STON2: variants seen among roughly 807,000 people sequenced by gnomAD.
The protein encoded by STON2 is stonin 2, also known as stonin-2.
STON2 carries 29 observed loss-of-function variants against 65.7 expected under a neutral mutation model. That is an observed-to-expected ratio of 0.44 (90% CI 0.33 to 0.60). The LOEUF (loss-of-function observed/expected upper bound fraction) is 0.60, where lower values mean the gene tolerates loss of function less well. Among genes scored for constraint, STON2 ranks in the 20% least tolerant of loss-of-function variants. The pLI is 0.03. For missense variants in STON2, 1,054 were observed against 1,118.1 expected (o/e 0.94, Z 0.82); for synonymous variants, 404 against 414.2 (o/e 0.98, Z 0.30).
chr14:81,389,420 A>C (rs894995225), intron 3 of STON2, among the ~76,000 whole-genome samples: 1 of 152,220 alleles, frequency 6.6e-6, no homozygotes, highest in Admixed American at 6.5e-5. Flanking sequence ...TGCTAAAAAG[A>C]GTTTGCTCAG....
chr14:81,398,160 CAAGA>C (rs1180944118), intron 2 of STON2, 131 bp downstream of exon 2: 2 of 620,706 alleles, frequency 3.2e-6, no homozygotes, highest in Admixed American at 3.4e-5. Flanking sequence ...TCTAAGATCT[CAAGA>C]AAGAAAGTGA....
At chr14:81,363,177 G>A (rs115782890) in intron 4 of STON2, among the ~76,000 whole-genome samples, 1,918 of 152,186 alleles carry the variant, frequency 0.013, 48 homozygotes, top group African/African-American at 0.044. Context: ...AACCTCTTTA[G>A]CTGTTGTTTC....
chr14:81,395,163 G>A (rs895164737), intron 3 of STON2: 13 of 152,206 alleles, frequency 8.5e-5, no homozygotes, highest in African/African-American at 3.1e-4. Flanking sequence ...GTTCTGAAGT[G>A]TGAGAATATC....
At chr14:81,433,171 T>C (rs190616117) in intron 1 of STON2, among the ~76,000 whole-genome samples, 9 of 152,298 alleles carry the variant, frequency 5.9e-5, no homozygotes, top group Admixed American at 2.0e-4. Flanking sequence ...CACGTGCATT[T>C]TAGGAGAGAA....
intron 3 of STON2, among the ~76,000 whole-genome samples, chr14:81,393,370 C>A (rs1258821852): frequency 1.3e-5 from 2 of 152,204 alleles, no homozygotes; most frequent in African/African-American, 4.8e-5. Flanking sequence ...CTTGCCCCCA[C>A]TGCCTCCTGG....
chr14:81,313,947 A>G (rs1896530007), intron 5 of STON2, among the ~76,000 whole-genome samples: 1 of 152,174 alleles, frequency 6.6e-6, no homozygotes, highest in Non-Finnish European at 1.5e-5. Context: ...CTGAGGTTCA[A>G]GGAAGGCTTC....
In STON2 at chr14:81,261,915, T is replaced by C. The variant is rs1894161204; in HGVS notation, c.*6499A>G. ...ACTGCAATATAGAGGATTTGGAAGG[T>C]TGTCTGTTTCTGTTGTCTGGGGAAA... On this transcript the variant is annotated 3_prime_UTR_variant, in exon 8 of 8. Coordinates refer to ENST00000614646, the MANE Select transcript of STON2 (RefSeq NM_001394390.1). 2 of 1,501,462 alleles carry C rather than the reference T, an allele frequency of 1.3e-6. No individual in the cohort carries two copies. The highest frequency in any genetic ancestry group is 2.3e-5 in the Admixed American group (1 of 42,578). The allele number at this position is 1,501,462 out of a possible 1,614,324, so 93.0% of individuals were successfully genotyped here.
chr14:81,357,148 C>A (rs1465484199), intron 4 of STON2, among the ~76,000 whole-genome samples: 2 of 151,618 alleles, frequency 1.3e-5, no homozygotes, highest in African/African-American at 4.8e-5. Flanking sequence ...ACAACCTACT[C>A]ATCTGACAAA....
In STON2 at chr14:81,277,375, G is replaced by A. The variant is rs1475715012; in HGVS notation, c.2107C>T (p.Arg703Cys). Reference sequence around the variant, plus strand: ...TCCTCATCCACACACCCATGGAAACGGCACTCATGGAGCTTGATCCACTTT... The same window carrying A: ...TCCTCATCCACACACCCATGGAAACAGCACTCATGGAGCTTGATCCACTTT... ...TTKWIKLHEC[R>C]FHGCVDEDVF... The change falls in exon 6 of 8, where the codon CGT becomes TGT. Residue 703 changes from arginine (R) to cysteine (C), a missense_variant. Arg to Cys is a radical substitution (Grantham distance 180, BLOSUM62 -3). Transcript: ENST00000614646. 9 of 1,614,158 alleles carry A rather than the reference G, an allele frequency of 5.6e-6. No individual in the cohort carries two copies. Among genetic ancestry groups the A allele is most frequent in the Admixed American group, 1.7e-5 (1 of 60,022 alleles).
At chr14:81,301,159 A>C (rs1313128998) in intron 5 of STON2, among the ~76,000 whole-genome samples, 4 of 152,206 alleles carry the variant, frequency 2.6e-5, no homozygotes, top group Non-Finnish European at 4.4e-5. Context: ...CTTCAGCTTT[A>C]ATAATAGAAA....
rs1234291685 is a variant in STON2, at chr14:81,261,391, A to G, written c.*7023T>C. ...TTCCTTACTCTGTCCAGTTGGAATC[A>G]ATCCAACACATCTGACTACCACAAA... On this transcript the variant is annotated 3_prime_UTR_variant, in exon 8 of 8. Transcript: ENST00000614646. 2 of 154,368 alleles carry G rather than the reference A, an allele frequency of 1.3e-5. No homozygotes were observed. Among genetic ancestry groups the G allele is most frequent in the African/African-American group, 4.8e-5 (2 of 41,550 alleles). The allele number at this position is 154,368 out of a possible 1,614,324, so 9.6% of individuals were successfully genotyped here. A position where few individuals can be genotyped will look rare whatever the true frequency, so the allele number is the denominator to read the frequency against.
rs2139867084 is a variant in STON2, at chr14:81,413,288, GCA to G, written c.-199+13812_-199+13813del. 6 of 1,405,742 alleles carry G rather than the reference GCA, an allele frequency of 4.3e-6. 2 individuals carry two copies. In the East Asian group the frequency reaches 1.8e-4, roughly 42 times the overall value. 87.1% of individuals were successfully genotyped at this position (1,405,742 alleles called of 1,614,324 possible). ...AGTGGTCCATCCAAAAACAAGGACT[GCA>G]GCCTAAATTCCAAATACCAGAGACT... On this transcript the variant is annotated intron_variant, in intron 2 of 8. Transcript: ENST00000553821.
In STON2 at chr14:81,277,234, C is replaced by G. The variant is rs1411888094; in HGVS notation, c.2248G>C (p.Ala750Pro). 1 of 1,614,090 alleles carries G rather than the reference C, an allele frequency of 6.2e-7. No individual in the cohort carries two copies. ...ACCTCTGCCCCATTGACACTTGTGG[C>G]CGTCCTGAGTGTGAAAGGCAAGGTC... is the stretch of plus-strand genomic sequence containing the variant. ...EKTLPFTLRT[A>P]TSVNGAEVEV... Residue 750 changes from alanine to proline, a missense_variant, in exon 6 of 8, where the codon GCC becomes CCC. Transcript: ENST00000614646.
intron 5 of STON2, among the ~76,000 whole-genome samples, chr14:81,280,209 G>T (rs961547692): frequency 6.6e-6 from 1 of 152,158 alleles, no homozygotes; most frequent in Non-Finnish European, 1.5e-5. Flanking sequence ...TACAGGACTT[G>T]GGTTTGATGA....
chr14:81,350,358 G>A (rs1240570856), intron 4 of STON2, among the ~76,000 whole-genome samples: 1 of 151,938 alleles, frequency 6.6e-6, no homozygotes, highest in East Asian at 1.9e-4. Context: ...AAAAATGTAA[G>A]AGAAAGAAAA....
chr14:81,367,603 G>A (rs1898796209), intron 4 of STON2, among the ~76,000 whole-genome samples: 1 of 152,192 alleles, frequency 6.6e-6, no homozygotes, highest in Admixed American at 6.5e-5. Context: ...GACCCAGGAT[G>A]AGGTGAAGAC....
intron 4 of STON2, among the ~76,000 whole-genome samples, chr14:81,325,111 C>A (rs1896960652): frequency 6.6e-6 from 1 of 152,160 alleles, no homozygotes; most frequent in South Asian, 2.1e-4. Flanking sequence ...CACCATACAG[C>A]CAGGAATGCC....
chr14:81,331,567 A>G (rs1387738413), intron 4 of STON2, among the ~76,000 whole-genome samples: 1 of 152,198 alleles, frequency 6.6e-6, no homozygotes, highest in African/African-American at 2.4e-5. Context: ...TTTTCCTCCC[A>G]TACCCTCATC....
chr14:81,316,278 C>T (rs1472678453), intron 5 of STON2, among the ~76,000 whole-genome samples: 1 of 152,172 alleles, frequency 6.6e-6, no homozygotes. Context: ...TAAATAGTCT[C>T]CTCGCCGTCT....
Sources: gnomAD v4.1 joint callset for allele counts (sites outside exome capture counted in the v4.1 genomes callset) on GRCh38, gnomAD v4.1.1 for gene constraint, MANE v1.5 for transcripts, NCBI Gene and HGNC (gene_info 2026-07-23, HGNC 2026-07-21) for gene names.